The following FAR2 variants were observed in gnomAD, a reference collection of about 807,000 sequenced individuals.
The protein encoded by FAR2 is fatty acyl-CoA reductase 2.
Under a neutral mutation model 56.0 loss-of-function variants are expected in FAR2, and 19 were observed. The ratio of observed to expected loss-of-function variants is 0.34; its 90% CI spans 0.24 to 0.50. FAR2 has a LOEUF of 0.50. FAR2 is among the 20% of genes least tolerant of loss of function. The pLI is 0.98. For synonymous variants in FAR2, 219 were observed against 218.8 expected (o/e 1.00, Z -0.01); for missense variants, 508 against 642.2 (o/e 0.79, Z 2.26).
rs543809801 is a variant in FAR2 at position 29,172,110 on chromosome 12, C to T, written c.-39+22703C>T. 477 of 151,348 alleles carry T rather than the reference C, an allele frequency of 3.2e-3. 1 individual carries two copies. The highest frequency in any genetic ancestry group is 4.9e-3 in the Non-Finnish European group (335 of 68,108). 9.4% of individuals were successfully genotyped at this position (151,348 alleles called of 1,614,324 possible). On this transcript the variant is annotated intron_variant, in intron 1 of 11. Coordinates refer to ENST00000536681, the MANE Select transcript of FAR2 (RefSeq NM_001271783.2). ...CAACTGTCTGGGAAGTGAGGAGCGC[C>T]TCTGCCTGGCCACCAACCATCTGGG...
intron 1 of FAR2, among the ~76,000 whole-genome samples, chr12:29,170,651 C>T (rs919897264): frequency 3.9e-5 from 6 of 152,034 alleles, no homozygotes; most frequent in Non-Finnish European, 8.8e-5. Context: ...CTCTTTCTCT[C>T]TCTCTCTGAC....
intron 1 of FAR2, among the ~76,000 whole-genome samples, chr12:29,182,474 T>A (rs575078260): frequency 2.0e-5 from 3 of 152,320 alleles, no homozygotes; most frequent in Admixed American, 1.3e-4. Flanking sequence ...GAGTGCTGAT[T>A]GGTGCGTTTA....
intron 10 of FAR2, among the ~76,000 whole-genome samples, chr12:29,330,933 T>C (rs1286244527): frequency 6.6e-6 from 1 of 152,200 alleles, no homozygotes; most frequent in East Asian, 1.9e-4. Context: ...AATAAATTGT[T>C]GTGTAACAAA....
At chr12:29,256,503 ACTCTC>A (rs1948318732) in intron 1 of FAR2, among the ~76,000 whole-genome samples, 1 of 151,988 alleles carries the variant, frequency 6.6e-6, no homozygotes, top group Non-Finnish European at 1.5e-5. Context: ...GCCCTCGCTC[ACTCTC>A]AGCACTTCCT....
intron 10 of FAR2, among the ~76,000 whole-genome samples, chr12:29,328,311 T>G (rs553276623): frequency 5.9e-5 from 9 of 152,348 alleles, no homozygotes; most frequent in Admixed American, 2.0e-4. Flanking sequence ...TTGGTGGGAC[T>G]GTAAACTAGT....
chr12:29,281,236 A>G (rs2136725590), intron 2 of FAR2: 1 of 151,030 alleles, frequency 6.6e-6, no homozygotes, highest in Middle Eastern at 3.4e-3. Context: ...GAAAAAATAA[A>G]ATCAAACAAA....
chr12:29,206,964 T>A (rs980417816), intron 1 of FAR2, among the ~76,000 whole-genome samples: 3 of 152,032 alleles, frequency 2.0e-5, no homozygotes, highest in Admixed American at 1.3e-4. Context: ...GGAGTGGGAA[T>A]GTCTGAAGAA....
chr12:29,324,474 A>C (rs930020190), intron 10 of FAR2, among the ~76,000 whole-genome samples: 3 of 152,334 alleles, frequency 2.0e-5, no homozygotes, highest in African/African-American at 7.2e-5. Context: ...AAATGAAGGA[A>C]AAAAGTGTTA....
In FAR2 at chr12:29,244,472, GGCAGAGCTTCTTGCATTTTGTGTA is replaced by G. The variant is rs1468779902; in HGVS notation, c.-38-25933_-38-25910del. Among the ~76,000 whole-genome samples, 3 of 152,160 alleles carry G rather than the reference GGCAGAGCTTCTTGCATTTTGTGTA, an allele frequency of 2.0e-5. No homozygotes were observed. In the East Asian group the frequency reaches 5.8e-4, roughly 29 times the overall value. On this transcript the variant is annotated intron_variant, in intron 1 of 11. Coordinates refer to ENST00000536681, the MANE Select transcript of FAR2 (RefSeq NM_001271783.2). Reference sequence around the variant, plus strand: ...AGGAACTGTATATCTCAAAGTGACAGGCAGAGCTTCTTGCATTTTGTGTAGCAGAGACCCTGGAGACCAGGATTT... The same window carrying G: ...AGGAACTGTATATCTCAAAGTGACAGGCAGAGACCCTGGAGACCAGGATTT...
chr12:29,320,118 G>T (rs1323332334), intron 9 of FAR2, among the ~76,000 whole-genome samples: 1 of 152,168 alleles, frequency 6.6e-6, no homozygotes. Context: ...TGAGGCAGAA[G>T]ATTGCTTGAA....
At chr12:29,309,377 G>C in intron 6 of FAR2, 147 bp downstream of exon 6, 2 of 661,300 alleles carry the variant, frequency 3.0e-6, no homozygotes, top group Non-Finnish European at 5.2e-6. Context: ...TGTTCTGATT[G>C]TAATATACAG....
chr12:29,205,245 C>T (rs918510769), intron 1 of FAR2, among the ~76,000 whole-genome samples: 3 of 152,052 alleles, frequency 2.0e-5, no homozygotes, highest in African/African-American at 4.8e-5. Context: ...ACTTGTTTGT[C>T]GCTTACCAGA....
intron 1 of FAR2, among the ~76,000 whole-genome samples, chr12:29,237,145 C>T (rs1947955204): frequency 6.6e-6 from 1 of 152,048 alleles, no homozygotes; most frequent in Non-Finnish European, 1.5e-5. Context: ...TGTTAGATTC[C>T]CCTTGAGTTA....
rs1174610809 is a variant in FAR2 at position 29,236,308 on chromosome 12, C to T, written c.-38-34104C>T. ...TTTAATATTCGGCAAGAATTACCCT[C>T]AACCATTTGAAGCAGCAAATTACAC... On this transcript the variant is annotated intron_variant, in intron 1 of 11. Transcript: ENST00000536681. Among the ~76,000 whole-genome samples, 7 of 152,294 alleles carry T rather than the reference C, an allele frequency of 4.6e-5. No individual in the cohort carries two copies. In the East Asian group the frequency reaches 1.3e-3, roughly 29 times the overall value.
Position 29,321,904 on chromosome 12 carries a change from C to T in FAR2, c.1237C>T (p.Leu413=), listed in dbSNP as rs1383721993. 1 of 1,613,278 alleles carries T rather than the reference C, an allele frequency of 6.2e-7. No individual in the cohort carries two copies. The highest frequency in any genetic ancestry group is 2.2e-5 in the East Asian group (1 of 44,812). ...TYNTEMLMSE[L]SPEDQRVFNF... ...CAATACAGAAATGCTGATGTCTGAGCTGAGTCCTGAAGACCAGAGAGTAAG... is the reference window on the plus strand; with the variant it reads ...CAATACAGAAATGCTGATGTCTGAGTTGAGTCCTGAAGACCAGAGAGTAAG... Residue 413 remains leucine, a synonymous_variant, in exon 10 of 12, where the codon CTG becomes TTG. Transcript: ENST00000536681.
intron 1 of FAR2, among the ~76,000 whole-genome samples, chr12:29,217,796 C>G (rs78957913): frequency 6.6e-6 from 1 of 151,910 alleles, no homozygotes; most frequent in African/African-American, 2.4e-5. Flanking sequence ...AAACTGTGAC[C>G]CATAGTCAAG....
intron 1 of FAR2, among the ~76,000 whole-genome samples, chr12:29,211,154 G>A (rs764636170): frequency 6.6e-6 from 1 of 151,964 alleles, no homozygotes; most frequent in Admixed American, 6.6e-5. Flanking sequence ...GACCAGGTGC[G>A]GTGGCTCACA....
At chr12:29,323,619 TG>T (rs1949591256) in intron 10 of FAR2, among the ~76,000 whole-genome samples, 1 of 152,212 alleles carries the variant, frequency 6.6e-6, no homozygotes, top group Non-Finnish European at 1.5e-5. Context: ...CCACCGCTGC[TG>T]ATACCCAGGC....
intron 1 of FAR2, among the ~76,000 whole-genome samples, chr12:29,199,869 G>A (rs1013531738): frequency 6.6e-6 from 1 of 152,126 alleles, no homozygotes; most frequent in Admixed American, 6.5e-5. Context: ...GAGTAAGATG[G>A]TGGCATTAAT....
Sources: gnomAD v4.1 joint callset for allele counts (sites outside exome capture counted in the v4.1 genomes callset) on GRCh38, gnomAD v4.1.1 for gene constraint, MANE v1.5 for transcripts, NCBI Gene and HGNC (gene_info 2026-07-23, HGNC 2026-07-21) for gene names.